Variants in RB1CC1 observed in about 807,000 individuals in gnomAD.
The protein encoded by RB1CC1 is RB1 inducible coiled-coil 1, also known as RB1-inducible coiled-coil protein 1.
A neutral mutation model predicts 177.5 loss-of-function variants in RB1CC1; 46 were observed. That is an observed-to-expected ratio of 0.26 (90% CI 0.20 to 0.33). The LOEUF (loss-of-function observed/expected upper bound fraction) is 0.33. Among genes scored for constraint, RB1CC1 ranks in the 10% least tolerant of loss-of-function variants. RB1CC1 has a pLI of 1.00. For missense variants in RB1CC1, 1,703 were observed against 1,816.3 expected (o/e 0.94, Z 1.13); for synonymous variants, 666 against 613.6 (o/e 1.09, Z -1.26).
intron 21 of RB1CC1, among the ~76,000 whole-genome samples, chr8:52,628,626 C>T (rs1414700871): frequency 6.6e-6 from 1 of 152,126 alleles, no homozygotes; most frequent in African/African-American, 2.4e-5. Context: ...GAGCTAGGTC[C>T]AGAAGTCAGG....
intron 20 of RB1CC1, among the ~76,000 whole-genome samples, 177 bp from the exon 21 acceptor site, chr8:52,630,705 T>C (rs1265456179): frequency 2.0e-5 from 3 of 151,298 alleles, no homozygotes; most frequent in African/African-American, 7.2e-5. Flanking sequence ...TTAGTAAATT[T>C]GGTTAGATTA....
At chr8:52,635,269 A>C (rs949367074) in intron 19 of RB1CC1, among the ~76,000 whole-genome samples, 2 of 152,188 alleles carry the variant, frequency 1.3e-5, no homozygotes, top group African/African-American at 2.4e-5. Flanking sequence ...GACTTTGTTA[A>C]CTAAGTCGTG....
rs141610460 is a variant in RB1CC1 at position 52,687,179 on chromosome 8, C to T, written c.-166-212G>A. Among the ~76,000 whole-genome samples, 167 of 152,196 alleles carry T rather than the reference C, an allele frequency of 1.1e-3. 3 individuals are homozygous for T. The highest frequency in any genetic ancestry group is 3.9e-3 in the African/African-American group (160 of 41,518). ...AAAGTCACCAATAAATTCCTCAAAA[C>T]GGCCATTTCCACAACAATTCCTCAT... is the stretch of plus-strand genomic sequence containing the variant. On this transcript the variant is annotated intron_variant, in intron 1 of 23. Coordinates refer to ENST00000025008, the MANE Select transcript of RB1CC1 (RefSeq NM_014781.5).
At chr8:52,649,532 C>A (rs946856845) in intron 15 of RB1CC1, among the ~76,000 whole-genome samples, 1 of 151,804 alleles carries the variant, frequency 6.6e-6, no homozygotes, top group African/African-American at 2.4e-5. Context: ...ACTGTTTTTT[C>A]AAAAAAATCT....
intron 5 of RB1CC1, among the ~76,000 whole-genome samples, chr8:52,679,940 A>C (rs1853545835): frequency 6.6e-6 from 1 of 151,934 alleles, no homozygotes; most frequent in Non-Finnish European, 1.5e-5. Flanking sequence ...AGGACAAAAT[A>C]AGTCATCTCC....
intron 7 of RB1CC1, among the ~76,000 whole-genome samples, chr8:52,672,469 G>A (rs1852689234): frequency 6.6e-6 from 1 of 152,208 alleles, no homozygotes; most frequent in Non-Finnish European, 1.5e-5. Flanking sequence ...TAGGCCAGGT[G>A]CAGTGGCTCA....
chr8:52,701,209 G>A (rs939928202), intron 1 of RB1CC1, among the ~76,000 whole-genome samples: 3 of 151,484 alleles, frequency 2.0e-5, no homozygotes, highest in African/African-American at 7.3e-5. Flanking sequence ...TGCAACCTCC[G>A]CCTCCTGGGT....
intron 19 of RB1CC1, 67 bp from the exon 20 acceptor site, chr8:52,635,035 T>C: frequency 1.4e-6 from 2 of 1,406,448 alleles, no homozygotes; most frequent in Admixed American, 2.2e-5. Context: ...AAACAGTGAT[T>C]GTCAAAGTTT....
rs760780039 is a variant in RB1CC1 at position 52,656,635 on chromosome 8, G to A, written c.3194C>T (p.Ala1065Val). ...TTCATCAGTTTCTGCTTCCTTCAAC[G>A]CAAGTTCAACCTCTAACTTGCATCT... ...DTRCKLEVELALKEAETDEIK... is the reference protein window; with the variant it reads ...DTRCKLEVELVLKEAETDEIK... Residue 1065 changes from alanine (A) to valine (V), a missense_variant, in exon 15 of 24, where the codon GCG (alanine) becomes GTG (valine). By Grantham distance (64) the Ala-to-Val change is moderately conservative (BLOSUM62 0). Coordinates refer to ENST00000025008, the MANE Select transcript of RB1CC1 (RefSeq NM_014781.5). 1.2e-6 allele frequency: 2 copies of A among 1,613,712 alleles called. No individual in the cohort carries two copies. Among genetic ancestry groups the A allele is most frequent in the Non-Finnish European group, 8.5e-7 (1 of 1,179,876 alleles).
intron 15 of RB1CC1, among the ~76,000 whole-genome samples, chr8:52,651,081 G>T (rs913806560): frequency 2.6e-5 from 4 of 152,104 alleles, no homozygotes; most frequent in African/African-American, 9.7e-5. Flanking sequence ...AATATATTTT[G>T]GCAGAAAAAT....
In RB1CC1 at chr8:52,660,978, C is replaced by G. The variant is rs1217088291; in HGVS notation, c.1575G>C (p.Lys525Asn). 1 of 1,613,338 alleles carries G rather than the reference C, an allele frequency of 6.2e-7. No homozygotes were observed. Among genetic ancestry groups the G allele is most frequent in the Non-Finnish European group, 8.5e-7 (1 of 1,179,682 alleles). Residue 525 changes from lysine to asparagine, a missense_variant, in exon 11 of 24, where the codon AAG (lysine) becomes AAC (asparagine). Physicochemically the swap from Lys to Asn is moderately conservative, Grantham distance 94. This residue lies in a region of RB1CC1 where 1,169 missense variants were observed against 1,184.7 expected (regional missense o/e 0.99). Transcript: ENST00000025008. ...TTGATTTTTCTGCTTCATATAATCT[C>G]TTTCCATCTTTGACTAAAGCACCAG... ...EWAGALVKDG[K>N]RLYEAEKSKR...
At chr8:52,697,105 T>C (rs1419231725) in intron 1 of RB1CC1, among the ~76,000 whole-genome samples, 2 of 152,028 alleles carry the variant, frequency 1.3e-5, no homozygotes, top group African/African-American at 4.8e-5. Flanking sequence ...AAGTATAAAG[T>C]TTTCTTGCCA....
intron 18 of RB1CC1, among the ~76,000 whole-genome samples, chr8:52,642,100 C>G (rs1305763265): frequency 2.0e-5 from 3 of 152,122 alleles, no homozygotes; most frequent in African/African-American, 7.2e-5. Flanking sequence ...CTCAATACTA[C>G]TGCCATGATC....
chr8:52,714,170 A>C lies in RB1CC1; in HGVS notation c.-262T>G, dbSNP rs2150744566. On this transcript the variant is annotated 5_prime_UTR_variant, in exon 1 of 24. Transcript: ENST00000025008. ...GCCTAGTCCTCGGCAGCGGTTACCA[A>C]CCGCCCATTCGGCACCGCTAAGCCG... The C allele has an allele frequency of 4.0e-6, 1 of 252,630 alleles. No individual in the cohort carries two copies. Among genetic ancestry groups the C allele is most frequent in the Non-Finnish European group, 8.2e-6 (1 of 122,636 alleles). 15.6% of individuals were successfully genotyped at this position (252,630 alleles called of 1,614,324 possible).
At chr8:52,652,457 C>T in intron 15 of RB1CC1, among the ~76,000 whole-genome samples, 1 of 60,090 alleles carries the variant, frequency 1.7e-5, no homozygotes, top group African/African-American at 6.1e-5. Context: ...AAGACTCTGT[C>T]TCAAAAAAAA....
chr8:52,663,874 G>T (rs1304066939), intron 8 of RB1CC1, among the ~76,000 whole-genome samples: 7 of 152,170 alleles, frequency 4.6e-5, no homozygotes, highest in Non-Finnish European at 8.8e-5. Context: ...GTAAGACCTT[G>T]TAGATAAAGC....
chr8:52,661,421 C>G, intron 9 of RB1CC1, 114 bp downstream of exon 9: 1 of 1,450,184 alleles, frequency 6.9e-7, no homozygotes, highest in South Asian at 1.3e-5. Flanking sequence ...TTCCAAAGTT[C>G]ATCAATAAGG....
Position 52,661,687 on chromosome 8 carries a change from G to C in RB1CC1, c.1206C>G (p.Asn402Lys), listed in dbSNP as rs1180113855. The C allele has an allele frequency of 1.3e-6, 2 of 1,598,268 alleles. No individual in the cohort carries two copies. Among genetic ancestry groups the C allele is most frequent in the Non-Finnish European group, 1.7e-6 (2 of 1,174,720 alleles). Residue 402 changes from asparagine (N) to lysine (K), a missense_variant, in exon 9 of 24, where the codon AAC becomes AAG. Asn to Lys is a moderately conservative substitution (Grantham distance 94). Around this residue, in one of 6 missense-constraint regions of RB1CC1, gnomAD observed 20 missense variants for 58.4 expected, o/e 0.34. Transcript: ENST00000025008. Reference protein sequence around the residue: ...GFLANQKRAENLKDASVLPDL... With the variant: ...GFLANQKRAEKLKDASVLPDL... Reference sequence around the variant, plus strand: ...CAGGTAATACAGATGCATCCTTTAAGTTTTCAGCTCTCTTCTGATTAGCTA... The same window carrying C: ...CAGGTAATACAGATGCATCCTTTAACTTTTCAGCTCTCTTCTGATTAGCTA...
chr8:52,670,816 A>G (rs1376938114), intron 7 of RB1CC1, among the ~76,000 whole-genome samples: 3 of 152,024 alleles, frequency 2.0e-5, no homozygotes, highest in Admixed American at 2.0e-4. Flanking sequence ...GCCAAACTCT[A>G]TCTCTATTAA....
Sources: allele counts gnomAD v4.1 joint callset (sites outside exome capture counted in the v4.1 genomes callset), GRCh38; gene constraint gnomAD v4.1.1; regional missense constraint gnomAD v4.1.1; transcripts MANE v1.5; gene names NCBI Gene and HGNC (gene_info 2026-07-23, HGNC 2026-07-21).